Variants in MYT1L observed in about 807,000 individuals in gnomAD.
The protein encoded by MYT1L is myelin transcription factor 1-like protein.
MYT1L carries 12 observed loss-of-function variants against 126.7 expected under a neutral mutation model. That is an observed-to-expected ratio of 0.09 (90% confidence interval 0.06 to 0.15). The LOEUF (loss-of-function observed/expected upper bound fraction) is 0.15, where lower values mean the gene tolerates loss of function less well. MYT1L is among the 10% of genes least tolerant of loss of function. The pLI, the probability that MYT1L is intolerant of heterozygous loss-of-function variation, is 1.00. For synonymous variants in MYT1L, 541 were observed against 604.2 expected (o/e 0.90, Z 1.53); for missense variants, 979 against 1,585.2 (o/e 0.62, Z 6.49).
intron 4 of MYT1L, among the ~76,000 whole-genome samples, chr2:2,021,789 CA>C: frequency 6.6e-6 from 1 of 152,204 alleles, no homozygotes; most frequent in East Asian, 1.9e-4. Flanking sequence ...CCCAGCTACT[CA>C]GGAGGCTGAG....
chr2:2,016,596 G>A (rs2064422942), intron 4 of MYT1L, among the ~76,000 whole-genome samples: 1 of 152,248 alleles, frequency 6.6e-6, no homozygotes, highest in African/African-American at 2.4e-5. Flanking sequence ...GGCTGCTGAT[G>A]CATGAGGTAG....
At chr2:1,987,187 A>T (rs1035155801) in intron 5 of MYT1L, among the ~76,000 whole-genome samples, 3 of 152,176 alleles carry the variant, frequency 2.0e-5, no homozygotes, top group Non-Finnish European at 4.4e-5. Flanking sequence ...GGGGTACCCG[A>T]ACAGTCTCAT....
intron 4 of MYT1L, among the ~76,000 whole-genome samples, chr2:2,033,886 C>T (rs1173503434): frequency 6.6e-6 from 1 of 152,164 alleles, no homozygotes; most frequent in Non-Finnish European, 1.5e-5. Context: ...CATGCTTTCC[C>T]ACATCCCAGG....
intron 3 of MYT1L, among the ~76,000 whole-genome samples, chr2:2,142,217 C>G (rs746417236): frequency 6.6e-6 from 1 of 152,060 alleles, no homozygotes; most frequent in African/African-American, 2.4e-5. Flanking sequence ...TCTTGTGTTA[C>G]GAGTTGCAAT....
chr2:1,915,554 T>C (rs2052703457), intron 11 of MYT1L, among the ~76,000 whole-genome samples: 1 of 152,216 alleles, frequency 6.6e-6, no homozygotes, highest in Non-Finnish European at 1.5e-5. Flanking sequence ...ATAAAACACA[T>C]AAAGAAACTC....
chr2:2,001,237 C>CTTTTTTTTTTTTTTTTTGTTTTTTT (rs11389323), intron 4 of MYT1L, among the ~76,000 whole-genome samples: 1 of 103,910 alleles, frequency 9.6e-6, no homozygotes, highest in Non-Finnish European at 1.9e-5. Flanking sequence ...TTGGTTTTAG[C>CTTTTTTTTTTTTTTTTTGTTTTTTT]TTTTTTTTTT....
chr2:2,173,745 G>C (rs925135667), intron 2 of MYT1L, among the ~76,000 whole-genome samples: 2 of 152,178 alleles, frequency 1.3e-5, no homozygotes, highest in African/African-American at 4.8e-5. Flanking sequence ...AATTCCAAGA[G>C]GCTTATTAAA....
chr2:1,988,345 C>T (rs945055732), intron 5 of MYT1L, among the ~76,000 whole-genome samples: 15 of 152,192 alleles, frequency 9.9e-5, no homozygotes, highest in African/African-American at 3.4e-4. Context: ...AAGGTGGGCC[C>T]GTGATGATAC....
chr2:1,860,807 G>A (rs2044489788), intron 18 of MYT1L, among the ~76,000 whole-genome samples: 1 of 152,138 alleles, frequency 6.6e-6, no homozygotes, highest in East Asian at 1.9e-4. Flanking sequence ...GGGATGAGGA[G>A]TCATTCATCC....
intron 19 of MYT1L, among the ~76,000 whole-genome samples, chr2:1,846,071 T>C (rs1021694320): frequency 3.9e-5 from 6 of 152,206 alleles, no homozygotes; most frequent in Non-Finnish European, 8.8e-5. Context: ...AAAAGTATCT[T>C]TCAGGTCAGA....
intron 2 of MYT1L, among the ~76,000 whole-genome samples, chr2:2,279,435 GAGGGA>G (rs967395117): frequency 5.3e-5 from 8 of 151,670 alleles, no homozygotes; most frequent in African/African-American, 1.7e-4. Flanking sequence ...AAAGGTGGAG[GAGGGA>G]AGGGAAGGGG....
At chr2:1,947,214 G>C (rs1220551824) in intron 8 of MYT1L, among the ~76,000 whole-genome samples, 2 of 152,124 alleles carry the variant, frequency 1.3e-5, no homozygotes, top group Admixed American at 1.3e-4. Flanking sequence ...GGTAAGGTGG[G>C]GCTCCTGTTT....
At chr2:1,991,448 A>G (rs2061448677) in intron 5 of MYT1L, among the ~76,000 whole-genome samples, 1 of 151,938 alleles carries the variant, frequency 6.6e-6, no homozygotes, top group Non-Finnish European at 1.5e-5. Context: ...GGTGCACACC[A>G]TGTCTGGCTA....
intron 1 of MYT1L, among the ~76,000 whole-genome samples, chr2:2,310,446 A>G (rs1391850732): frequency 1.3e-5 from 2 of 152,162 alleles, no homozygotes; most frequent in Non-Finnish European, 2.9e-5. Context: ...TCTATACTCC[A>G]TCTACACTTC....
intron 8 of MYT1L, among the ~76,000 whole-genome samples, chr2:1,971,866 C>T (rs913055784): frequency 6.6e-6 from 1 of 152,156 alleles, no homozygotes; most frequent in African/African-American, 2.4e-5. Flanking sequence ...AACAGCAAGC[C>T]TGGACGTCAC....
intron 3 of MYT1L, among the ~76,000 whole-genome samples, chr2:2,158,119 A>G (rs1430323513): frequency 6.6e-6 from 1 of 151,986 alleles, no homozygotes; most frequent in African/African-American, 2.4e-5. Context: ...TTTGTCCACA[A>G]TCACACAGCC....
intron 4 of MYT1L, among the ~76,000 whole-genome samples, chr2:2,040,421 A>T (rs927617992): frequency 2.0e-5 from 3 of 152,182 alleles, no homozygotes; most frequent in Non-Finnish European, 4.4e-5. Context: ...GATTCTGAGA[A>T]TGTCTGCTCT....
At chr2:1,820,197 T>G (rs2038325862) in intron 21 of MYT1L, among the ~76,000 whole-genome samples, 1 of 152,196 alleles carries the variant, frequency 6.6e-6, no homozygotes, top group African/African-American at 2.4e-5. Flanking sequence ...CATTCCAAAT[T>G]GATAGTTTGG....
At chr2:2,075,131 C>T (rs2075074967) in intron 3 of MYT1L, among the ~76,000 whole-genome samples, 1 of 152,146 alleles carries the variant, frequency 6.6e-6, no homozygotes, top group Non-Finnish European at 1.5e-5. Flanking sequence ...GGAGAGAAGC[C>T]TGAATGCAAA....
Sources: allele counts gnomAD v4.1 joint callset (sites outside exome capture counted in the v4.1 genomes callset), GRCh38; gene constraint gnomAD v4.1.1; transcripts MANE v1.5; gene names NCBI Gene and HGNC (gene_info 2026-07-23, HGNC 2026-07-21).